The following MINDY4 variants were observed in gnomAD, a reference collection of about 807,000 sequenced individuals.
MINDY4 encodes MINDY lysine 48 deubiquitinase 4.
MINDY4 carries 68 observed loss-of-function variants against 87.0 expected under a neutral mutation model. The ratio of observed to expected loss-of-function variants is 0.78; its 90% CI spans 0.64 to 0.96. The LOEUF (loss-of-function observed/expected upper bound fraction) is 0.96. Ranked by LOEUF, MINDY4 falls within the 40% of genes least tolerant of loss-of-function variation. MINDY4 has a pLI of 0.00. For synonymous variants in MINDY4, 379 were observed against 363.2 expected, an observed-to-expected ratio of 1.04 and a Z score of -0.50; for missense variants, 919 against 928.2, an observed-to-expected ratio of 0.99 and a Z score of 0.13.
chr7:30,788,179 C>T (rs919007389), intron 4 of MINDY4, among the ~76,000 whole-genome samples: 2 of 152,154 alleles, frequency 1.3e-5, no homozygotes, highest in Non-Finnish European at 2.9e-5. Context: ...TCTAGCCTCA[C>T]ACAGATAAGC....
chr7:30,772,184 G>T (rs1408568855), intron 1 of MINDY4, among the ~76,000 whole-genome samples: 1 of 152,102 alleles, frequency 6.6e-6, no homozygotes, highest in African/African-American at 2.4e-5. Context: ...GGAGCTCGCC[G>T]GGGGGTCTTG....
intron 5 of MINDY4, among the ~76,000 whole-genome samples, chr7:30,807,066 T>C (rs1051690034): frequency 7.9e-5 from 12 of 152,204 alleles, no homozygotes; most frequent in Admixed American, 7.2e-4. Flanking sequence ...AAAATTTCTT[T>C]TGAATGAGAA....
At chr7:30,879,655 C>T (rs1011568432) in intron 15 of MINDY4, among the ~76,000 whole-genome samples, 6 of 152,208 alleles carry the variant, frequency 3.9e-5, no homozygotes, top group South Asian at 4.1e-4. Flanking sequence ...TCCCTGTTAT[C>T]GTTTTGACTT....
chr7:30,871,592 G>A (rs1489595203), intron 13 of MINDY4, among the ~76,000 whole-genome samples: 2 of 152,164 alleles, frequency 1.3e-5, no homozygotes, highest in Admixed American at 6.5e-5. Flanking sequence ...AGCAAAGTAG[G>A]TTTTCACCTT....
At chr7:30,859,549 A>T (rs1405963884) in intron 13 of MINDY4, among the ~76,000 whole-genome samples, 1 of 152,230 alleles carries the variant, frequency 6.6e-6, no homozygotes. Flanking sequence ...TGTGGTGGAC[A>T]ACCTGAAAGA....
chr7:30,870,307 C>G (rs185662015), intron 13 of MINDY4, among the ~76,000 whole-genome samples: 11 of 152,340 alleles, frequency 7.2e-5, no homozygotes, highest in African/African-American at 2.6e-4. Flanking sequence ...TCGGCCCCCC[C>G]TCAGGACCCT....
At chr7:30,841,133 C>T (rs1789021622) in intron 9 of MINDY4, among the ~76,000 whole-genome samples, 1 of 152,204 alleles carries the variant, frequency 6.6e-6, no homozygotes, top group African/African-American at 2.4e-5. Flanking sequence ...AGACGGCAAG[C>T]TGCCCGAATC....
chr7:30,872,623 G>A (rs1243719687), intron 14 of MINDY4, among the ~76,000 whole-genome samples: 1 of 152,240 alleles, frequency 6.6e-6, no homozygotes, highest in African/African-American at 2.4e-5. Context: ...CAGGACACAG[G>A]GAGTGATGTC....
chr7:30,868,240 T>G (rs1485683126), intron 13 of MINDY4, among the ~76,000 whole-genome samples: 1 of 152,170 alleles, frequency 6.6e-6, no homozygotes, highest in African/African-American at 2.4e-5. Context: ...CTGACCTGGC[T>G]GATCATCCCA....
chr7:30,884,875 G>C (rs977651416), intron 17 of MINDY4, among the ~76,000 whole-genome samples: 9 of 152,164 alleles, frequency 5.9e-5, no homozygotes, highest in Admixed American at 4.6e-4. Context: ...TTAGTGTGTG[G>C]ACACGGGCCT....
chr7:30,812,386 T>C (rs58619555), intron 5 of MINDY4, among the ~76,000 whole-genome samples: 7,650 of 152,178 alleles, frequency 0.05, 296 homozygotes, highest in East Asian at 0.2. Flanking sequence ...TTTCATTCAG[T>C]TTTCCTGTTA....
At chr7:30,875,782 A>G (rs1220280781) in intron 15 of MINDY4, 126 bp downstream of exon 15, 2 of 1,043,684 alleles carry the variant, frequency 1.9e-6, no homozygotes, top group Non-Finnish European at 2.8e-6. Flanking sequence ...TCCAGTTAGA[A>G]TCACAGAGGG....
At chr7:30,810,508 A>G (rs1213401244) in intron 5 of MINDY4, among the ~76,000 whole-genome samples, 2 of 152,202 alleles carry the variant, frequency 1.3e-5, no homozygotes, top group African/African-American at 2.4e-5. Context: ...ATTATATACA[A>G]AAAATTCTGT....
chr7:30,778,694 A>G (rs1462206905), intron 2 of MINDY4, 143 bp downstream of exon 2: 1 of 956,048 alleles, frequency 1.0e-6, no homozygotes, highest in African/African-American at 1.6e-5. Context: ...CGGACCCCCC[A>G]AATGTGGACA....
At chr7:30,882,036 A>C in intron 15 of MINDY4, 145 bp from the exon 16 acceptor site, 1 of 814,958 alleles carries the variant, frequency 1.2e-6, no homozygotes, top group Non-Finnish European at 2.0e-6. Context: ...TGGCCTGAGC[A>C]GCGTGAGGGG....
chr7:30,891,230 T>G (rs1238931745), intron 17 of MINDY4, among the ~76,000 whole-genome samples: 1 of 152,196 alleles, frequency 6.6e-6, no homozygotes, highest in Non-Finnish European at 1.5e-5. Flanking sequence ...ACACTCCATC[T>G]GCTATAAATT....
At chr7:30,826,520 G>A (rs1246070738) in intron 5 of MINDY4, among the ~76,000 whole-genome samples, 1 of 152,228 alleles carries the variant, frequency 6.6e-6, no homozygotes, top group Admixed American at 6.5e-5. Context: ...GAGCTGAGAC[G>A]TTCAGCTTGG....
Position 30,791,540 on chromosome 7 carries a change from T to G in MINDY4, c.1039T>G (p.Phe347Val). The change falls in exon 5 of 18, where the codon TTC becomes GTC. Residue 347 changes from phenylalanine (F) to valine (V), a missense_variant. Coordinates refer to ENST00000265299, the MANE Select transcript of MINDY4 (RefSeq NM_032222.3). ...GACCCAGGAGAGGCTGGAAAGAGCG[T>G]TCAAACGGCAGGGCAGCCAGCCCGC... Reference protein sequence around the residue: ...RMTQERLERAFKRQGSQPAPV... With the variant: ...RMTQERLERAVKRQGSQPAPV... 2 of 1,613,444 alleles carry G rather than the reference T, an allele frequency of 1.2e-6. No homozygotes were observed. Among genetic ancestry groups the G allele is most frequent in the Non-Finnish European group, 1.7e-6 (2 of 1,179,626 alleles).
intron 5 of MINDY4, among the ~76,000 whole-genome samples, chr7:30,807,083 GAAATC>G (rs1408466275): frequency 6.6e-6 from 1 of 152,194 alleles, no homozygotes; most frequent in Non-Finnish European, 1.5e-5. Flanking sequence ...AGAAGAAAAG[GAAATC>G]ATGTAAACTG....
Sources: allele counts gnomAD v4.1 joint callset (sites outside exome capture counted in the v4.1 genomes callset), GRCh38; gene constraint gnomAD v4.1.1; transcripts MANE v1.5; gene names NCBI Gene and HGNC (gene_info 2026-07-23, HGNC 2026-07-21).